Variants in PNPT1 observed in about 807,000 individuals in gnomAD.
PNPT1 encodes polyribonucleotide nucleotidyltransferase 1, mitochondrial.
PNPT1 carries 53 observed loss-of-function variants against 119.5 expected under a neutral mutation model. The observed-to-expected ratio is 0.44, with a 90% CI of 0.36 to 0.56. The LOEUF (loss-of-function observed/expected upper bound fraction) is 0.56, where lower values mean the gene tolerates loss of function less well. Ranked by LOEUF, PNPT1 falls within the 20% of genes least tolerant of loss-of-function variation. The pLI is 0.00. For missense variants in PNPT1, 948 were observed against 938.5 expected (o/e 1.01, Z -0.13); for synonymous variants, 357 against 322.1 (o/e 1.11, Z -1.16).
intron 26 of PNPT1, among the ~76,000 whole-genome samples, chr2:55,640,096 C>T (rs184624412): frequency 4.6e-4 from 70 of 151,960 alleles, no homozygotes; most frequent in Non-Finnish European, 7.9e-4. Context: ...ATTTCTGGGC[C>T]GGTAATATAC....
At chr2:55,662,961 A>T (rs1449870063) in intron 13 of PNPT1, among the ~76,000 whole-genome samples, 1 of 151,252 alleles carries the variant, frequency 6.6e-6, no homozygotes, top group Non-Finnish European at 1.5e-5. Context: ...GCTCACTGCA[A>T]CCTCCATCTC....
intron 21 of PNPT1, 143 bp from the exon 22 acceptor site, chr2:55,645,575 A>C: frequency 1.8e-6 from 1 of 553,274 alleles, no homozygotes; most frequent in Non-Finnish European, 3.1e-6. Flanking sequence ...TTGAAAATTC[A>C]CTCATATTCT....
At chr2:55,673,632 T>G (rs1031699073) in intron 8 of PNPT1, among the ~76,000 whole-genome samples, 1 of 151,904 alleles carries the variant, frequency 6.6e-6, no homozygotes, top group Non-Finnish European at 1.5e-5. Flanking sequence ...GTATTTTTAG[T>G]AGACATGGGG....
chr2:55,660,605 A>T (rs1005797174), intron 14 of PNPT1, among the ~76,000 whole-genome samples: 1 of 152,222 alleles, frequency 6.6e-6, no homozygotes, highest in Non-Finnish European at 1.5e-5. Flanking sequence ...AATCTGCATG[A>T]TCATAAACTG....
chr2:55,684,588 T>A (rs1697342229), intron 4 of PNPT1, among the ~76,000 whole-genome samples: 1 of 152,258 alleles, frequency 6.6e-6, no homozygotes, highest in Admixed American at 6.5e-5. Flanking sequence ...TGTTTAGGAA[T>A]TACTATTCTG....
intron 1 of PNPT1, among the ~76,000 whole-genome samples, chr2:55,688,022 T>C (rs1466455513): frequency 1.3e-5 from 2 of 151,880 alleles, no homozygotes; most frequent in Non-Finnish European, 2.9e-5. Flanking sequence ...GGGTGGTCTT[T>C]GTGCCTTGTA....
chr2:55,681,032 T>C (rs2104157783), intron 5 of PNPT1, 114 bp from the exon 6 acceptor site: 1 of 785,666 alleles, frequency 1.3e-6, no homozygotes. Flanking sequence ...CCAAACCTCT[T>C]AATTTTGGCT....
chr2:55,645,815 C>A (rs1572798189), intron 21 of PNPT1, among the ~76,000 whole-genome samples: 1 of 145,920 alleles, frequency 6.9e-6, no homozygotes, highest in Non-Finnish European at 1.5e-5. Flanking sequence ...AGCCACCATG[C>A]CATGCCTGGC....
chr2:55,671,877 T>G (rs1459307933), intron 10 of PNPT1, 118 bp downstream of exon 10: 1 of 738,000 alleles, frequency 1.4e-6, no homozygotes, highest in Non-Finnish European at 2.2e-6. Flanking sequence ...TTTTGTTAGT[T>G]TTTCATTTAG....
chr2:55,671,972 A>C (rs1416630820), intron 10 of PNPT1, 23 bp downstream of exon 10: 1 of 1,559,670 alleles, frequency 6.4e-7, no homozygotes, highest in Non-Finnish European at 8.7e-7. Flanking sequence ...CAATTATGGA[A>C]GACAAAACTC....
intron 26 of PNPT1, among the ~76,000 whole-genome samples, chr2:55,639,814 T>G (rs1311546377): frequency 2.0e-5 from 3 of 152,170 alleles, no homozygotes; most frequent in Non-Finnish European, 4.4e-5. Flanking sequence ...ACTACTAATC[T>G]TATTAAAACA....
chr2:55,673,383 T>C (rs1017453473), intron 8 of PNPT1, among the ~76,000 whole-genome samples: 4 of 151,740 alleles, frequency 2.6e-5, no homozygotes, highest in East Asian at 1.9e-4. Flanking sequence ...ATAAGTTTTA[T>C]TGAGCTATAA....
intron 1 of PNPT1, among the ~76,000 whole-genome samples, chr2:55,692,787 T>C (rs1227002131): frequency 6.6e-6 from 1 of 152,198 alleles, no homozygotes; most frequent in Non-Finnish European, 1.5e-5. Flanking sequence ...GGTCACACTT[T>C]AGGCAATCAA....
In PNPT1 at chr2:55,688,446, A is replaced by T. The variant is rs377318585; in HGVS notation, c.162-741T>A. On this transcript the variant is annotated intron_variant, in intron 1 of 27. Transcript: ENST00000447944. Reference sequence around the variant, plus strand: ...TTCCCTACTTAAAAATCCTTTAGCCAGGCGTGGTGTCTCCCACCTGTAATC... The same window carrying T: ...TTCCCTACTTAAAAATCCTTTAGCCTGGCGTGGTGTCTCCCACCTGTAATC... Among the ~76,000 whole-genome samples the T allele has an allele frequency of 1.4e-3, 209 of 151,942 alleles. 7 individuals carry two copies. The South Asian group carries it at 0.042, about 30-fold the overall frequency.
chr2:55,677,770 C>G (rs558844889), intron 8 of PNPT1, among the ~76,000 whole-genome samples: 1 of 152,008 alleles, frequency 6.6e-6, no homozygotes, highest in South Asian at 2.1e-4. Flanking sequence ...GACAGAGTCT[C>G]GCTCTGTTGC....
intron 14 of PNPT1, among the ~76,000 whole-genome samples, chr2:55,660,555 T>A (rs901523623): frequency 3.3e-5 from 5 of 152,156 alleles, no homozygotes; most frequent in Non-Finnish European, 7.3e-5. Flanking sequence ...CTTCTCCCAG[T>A]CAATATGTGA....
rs781375048 is a variant in PNPT1, at chr2:55,640,664, G to A, written c.2111C>T (p.Ala704Val). The change falls in exon 26 of 28, where the codon GCG becomes GTG. Residue 704 changes from alanine (A) to valine (V), a missense_variant. Transcript: ENST00000447944. ...VMVKLYPNMT[A>V]VLLHNTQLDQ... ...AAGTTGTGTGTTATGAAGCAGTACC[G>A]CAGTCATATTTGGATATAATTTTAC... 7.5e-6 allele frequency: 12 copies of A among 1,593,104 alleles called. No individual in the cohort carries two copies. The highest frequency in any genetic ancestry group is 1.0e-5 in the Non-Finnish European group (12 of 1,162,348).
chr2:55,672,856 G>A, intron 9 of PNPT1, 37 bp downstream of exon 9: 1 of 1,532,652 alleles, frequency 6.5e-7, no homozygotes, highest in Non-Finnish European at 8.8e-7. Context: ...TAAATCTGAT[G>A]ACAATTTCAT....
chr2:55,682,250 G>A (rs1205774264), intron 5 of PNPT1, among the ~76,000 whole-genome samples: 3 of 152,058 alleles, frequency 2.0e-5, no homozygotes, highest in Non-Finnish European at 2.9e-5. Context: ...TTGAGGTCAC[G>A]AGTTCAAGAC....
Sources: allele counts gnomAD v4.1 joint callset (sites outside exome capture counted in the v4.1 genomes callset), GRCh38; gene constraint gnomAD v4.1.1; transcripts MANE v1.5; gene names NCBI Gene and HGNC (gene_info 2026-07-23, HGNC 2026-07-21).